The following ROBO1 variants were observed in gnomAD, a reference collection of about 807,000 sequenced individuals.
ROBO1 encodes roundabout guidance receptor 1.
In ROBO1, 149 loss-of-function variants were observed where a neutral mutation model predicts 195.9. That is an observed-to-expected ratio of 0.76 (90% CI 0.67 to 0.87). The LOEUF (loss-of-function observed/expected upper bound fraction) is 0.87, where lower values mean the gene tolerates loss of function less well. ROBO1 is among the 40% of genes least tolerant of loss of function. The pLI, the probability that ROBO1 is intolerant of heterozygous loss-of-function variation, is 0.00. For synonymous variants in ROBO1, 816 were observed against 733.2 expected, an observed-to-expected ratio of 1.11 and a Z score of -1.82; for missense variants, 1,933 against 2,068.3, an observed-to-expected ratio of 0.93 and a Z score of 1.27.
At position 79,412,857 on chromosome 3, in the gene ROBO1, T is replaced by C. The variant is rs187796152; in HGVS notation, c.88+176967A>G. Among the ~76,000 whole-genome samples the C allele has an allele frequency of 3.7e-4, 55 of 147,504 alleles. No homozygotes were observed. In the East Asian group the frequency reaches 0.011, roughly 28 times the overall value. ...TCTCCTGTTTTCTGGAGAATGATTT[T>C]ATTGCCTCATGAGCTGATTTTTTTT... is the stretch of plus-strand genomic sequence containing the variant. On this transcript the variant is annotated intron_variant, in intron 2 of 30. Transcript: ENST00000464233.
At chr3:79,112,619 A>G (rs2079907699) in intron 3 of ROBO1, among the ~76,000 whole-genome samples, 1 of 152,178 alleles carries the variant, frequency 6.6e-6, no homozygotes, top group Non-Finnish European at 1.5e-5. Flanking sequence ...GACGTGGATG[A>G]AGCTGGAAAC....
chr3:78,690,752 C>T (rs1235723421), intron 8 of ROBO1, among the ~76,000 whole-genome samples: 1 of 152,028 alleles, frequency 6.6e-6, no homozygotes, highest in Non-Finnish European at 1.5e-5. Flanking sequence ...TATGACTTTC[C>T]AATATGCAGG....
chr3:78,900,474 C>T (rs1429750401), intron 4 of ROBO1, among the ~76,000 whole-genome samples: 7 of 152,042 alleles, frequency 4.6e-5, no homozygotes, highest in Non-Finnish European at 8.8e-5. Context: ...AATGGAAGAA[C>T]TTGCATGATG....
At chr3:78,703,279 A>C (rs2081464222) in intron 8 of ROBO1, among the ~76,000 whole-genome samples, 1 of 152,236 alleles carries the variant, frequency 6.6e-6, no homozygotes, top group Non-Finnish European at 1.5e-5. Context: ...GCATTAAAAA[A>C]CCCAGCAGGA....
intron 3 of ROBO1, among the ~76,000 whole-genome samples, chr3:79,115,649 C>A (rs2079979843): frequency 6.6e-6 from 1 of 152,082 alleles, no homozygotes; most frequent in South Asian, 2.1e-4. Flanking sequence ...GTTGAGCCAT[C>A]AATATGATGC....
chr3:79,683,775 C>G (rs530275010), intron 1 of ROBO1, among the ~76,000 whole-genome samples: 1 of 152,158 alleles, frequency 6.6e-6, no homozygotes, highest in Non-Finnish European at 1.5e-5. Flanking sequence ...CATATATCAG[C>G]CCTTCATTCC....
rs776107901 is a variant in ROBO1, at chr3:78,839,518, T to G, written c.500-92618A>C. Among the ~76,000 whole-genome samples, 12 of 151,996 alleles carry G rather than the reference T, an allele frequency of 7.9e-5. No individual in the cohort carries two copies. In the East Asian group the frequency reaches 9.7e-4, roughly 12 times the overall value. ...AACATTAATGGAGCATCATAGTAAA[T>G]TAATTAAACAAATATTAGGATAAAA... is the stretch of plus-strand genomic sequence containing the variant. On this transcript the variant is annotated intron_variant, in intron 4 of 30. Transcript: ENST00000464233.
At chr3:78,804,121 G>A (rs1481591645) in intron 4 of ROBO1, among the ~76,000 whole-genome samples, 2 of 152,104 alleles carry the variant, frequency 1.3e-5, no homozygotes, top group Non-Finnish European at 2.9e-5. Context: ...TATGAACTAT[G>A]AAATACTCTT....
At position 78,994,672 on chromosome 3, in the gene ROBO1, C is replaced by T. The variant is rs145794806; in HGVS notation, c.173-55745G>A. On this transcript the variant is annotated intron_variant, in intron 3 of 30. Transcript: ENST00000464233. ...AAGTGAGTCATTTGTTCTCTGTACT[C>T]ATAATGGAAAGAAAACAAGAGTTTC... Among the ~76,000 whole-genome samples, 363 of 152,210 alleles carry T rather than the reference C, an allele frequency of 2.4e-3. 3 individuals carry two copies. Among genetic ancestry groups the T allele is most frequent in the Admixed American group, 0.012 (180 of 15,274 alleles).
intron 17 of ROBO1, among the ~76,000 whole-genome samples, chr3:78,658,517 G>C (rs1002284662): frequency 6.6e-6 from 1 of 152,164 alleles, no homozygotes; most frequent in Non-Finnish European, 1.5e-5. Context: ...CCTGACCTCA[G>C]ATGATCTGCC....
chr3:79,346,460 T>A, intron 2 of ROBO1, among the ~76,000 whole-genome samples: 1 of 152,260 alleles, frequency 6.6e-6, no homozygotes, highest in Non-Finnish European at 1.5e-5. Context: ...GACTCTTGGC[T>A]TCATTTTATA....
At chr3:79,560,001 A>T (rs1942849690) in intron 2 of ROBO1, among the ~76,000 whole-genome samples, 1 of 152,158 alleles carries the variant, frequency 6.6e-6, no homozygotes, top group African/African-American at 2.4e-5. Context: ...AAACCCTCAG[A>T]TAAGAATATA....
chr3:78,901,632 T>G (rs1204285957), intron 4 of ROBO1, among the ~76,000 whole-genome samples: 1 of 152,200 alleles, frequency 6.6e-6, no homozygotes, highest in African/African-American at 2.4e-5. Flanking sequence ...TTGACTGCAG[T>G]GGGAGTAATG....
chr3:78,944,669 G>A (rs2040320504), intron 3 of ROBO1, among the ~76,000 whole-genome samples: 1 of 152,242 alleles, frequency 6.6e-6, no homozygotes, highest in Non-Finnish European at 1.5e-5. Flanking sequence ...GTAGGTGCAG[G>A]ACAGTGGGTG....
intron 10 of ROBO1, among the ~76,000 whole-genome samples, chr3:78,673,957 G>T (rs1432476153): frequency 6.6e-6 from 1 of 151,896 alleles, no homozygotes; most frequent in Non-Finnish European, 1.5e-5. Flanking sequence ...TTCCATTTTA[G>T]AAATCAGGGA....
intron 3 of ROBO1, among the ~76,000 whole-genome samples, chr3:78,982,624 T>G (rs746354220): frequency 6.6e-6 from 1 of 152,264 alleles, no homozygotes; most frequent in South Asian, 2.1e-4. Flanking sequence ...TTTGTAAATT[T>G]TACTTTTTTC....
chr3:78,953,028 G>A (rs537047981), intron 3 of ROBO1, among the ~76,000 whole-genome samples: 1 of 151,962 alleles, frequency 6.6e-6, no homozygotes, highest in Non-Finnish European at 1.5e-5. Context: ...ATCTAATATC[G>A]TATGGCTATG....
chr3:78,614,949 A>G (rs886315515), intron 27 of ROBO1, 149 bp from the exon 28 acceptor site: 6 of 751,668 alleles, frequency 8.0e-6, no homozygotes, highest in South Asian at 6.5e-5. Flanking sequence ...CTTCCAGCAA[A>G]TAACAGGCTT....
intron 4 of ROBO1, among the ~76,000 whole-genome samples, chr3:78,915,944 C>A (rs2038538166): frequency 6.6e-6 from 1 of 152,140 alleles, no homozygotes; most frequent in Non-Finnish European, 1.5e-5. Context: ...AGCCGCTGTG[C>A]CCAGCCTAAA....
Sources: gnomAD v4.1 joint callset for allele counts (sites outside exome capture counted in the v4.1 genomes callset) on GRCh38, gnomAD v4.1.1 for gene constraint, MANE v1.5 for transcripts, NCBI Gene and HGNC (gene_info 2026-07-23, HGNC 2026-07-21) for gene names.